Variants in APAF1 observed in about 807,000 individuals in gnomAD.
The protein encoded by APAF1 is apoptotic protease-activating factor 1.
APAF1 carries 91 observed loss-of-function variants against 152.4 expected under a neutral mutation model. That is an observed-to-expected ratio of 0.60 (90% CI 0.50 to 0.71). APAF1 has a LOEUF of 0.71. Among genes scored for constraint, APAF1 ranks in the 30% least tolerant of loss-of-function variants. The pLI is 0.00. For missense variants in APAF1, 1,283 were observed against 1,472.0 expected (o/e 0.87, Z 2.10); for synonymous variants, 484 against 494.1 (o/e 0.98, Z 0.27).
chr12:98,674,247 T>C (rs1027495783), intron 12 of APAF1, among the ~76,000 whole-genome samples: 7 of 152,162 alleles, frequency 4.6e-5, no homozygotes, highest in Admixed American at 2.6e-4. Context: ...CTTCCTTGAC[T>C]TCCCAAAGTT....
At chr12:98,670,753 C>T in intron 10 of APAF1, 11 of 372,510 alleles carry the variant, frequency 3.0e-5, no homozygotes, top group East Asian at 8.4e-5. Flanking sequence ...TTTCTATTTT[C>T]TATTTAAATT....
chr12:98,732,431 T>C lies in APAF1; in HGVS notation c.3612T>C (p.Val1204=). ...TTTTCTCTGAACAGTGGTGGAACGTTGTCACTGGGGAATCCTCACAGACCT... is the reference window on the plus strand; with the variant it reads ...TTTTCTCTGAACAGTGGTGGAACGTCGTCACTGGGGAATCCTCACAGACCT... ...SAGGYIKWWN[V]VTGESSQTFY... Residue 1204 remains valine, a synonymous_variant, in exon 27 of 27, where the codon GTT becomes GTC. Transcript: ENST00000551964. 1 of 1,613,608 alleles carries C rather than the reference T, an allele frequency of 6.2e-7. No homozygotes were observed. The highest frequency in any genetic ancestry group is 1.1e-5 in the South Asian group (1 of 91,064).
intron 20 of APAF1, among the ~76,000 whole-genome samples, chr12:98,709,938 C>T (rs1188897072): frequency 1.3e-5 from 2 of 152,198 alleles, no homozygotes; most frequent in African/African-American, 4.8e-5. Context: ...TGCAGTGGCA[C>T]GATCTTGGCT....
intron 26 of APAF1, among the ~76,000 whole-genome samples, chr12:98,729,472 GGA>G (rs1483395356): frequency 3.3e-5 from 5 of 152,204 alleles, no homozygotes; most frequent in African/African-American, 1.2e-4. Flanking sequence ...TGATCTCTCA[GGA>G]GACAAAGCTC....
intron 17 of APAF1, among the ~76,000 whole-genome samples, chr12:98,702,552 T>C (rs1015492832): frequency 6.6e-6 from 1 of 151,874 alleles, no homozygotes; most frequent in African/African-American, 2.4e-5. Flanking sequence ...CGGCTGGGCG[T>C]GGTGGCTCAC....
chr12:98,683,218 A>G lies in APAF1; in HGVS notation c.2122A>G (p.Thr708Ala). ...HSEQVNCCHF[T>A]NSSHHLLLAT... ...AGAGCAAGTCAATTGCTGCCATTTC[A>G]CCAACAGTAGTCATCATCTTCTCTT... The change falls in exon 15 of 27, where the codon ACC becomes GCC. Residue 708 changes from threonine (T) to alanine (A), a missense_variant. Coordinates refer to ENST00000551964, the MANE Select transcript of APAF1 (RefSeq NM_181861.2). 12 of 1,613,812 alleles carry G rather than the reference A, an allele frequency of 7.4e-6. No individual in the cohort carries two copies. The highest frequency in any genetic ancestry group is 1.0e-5 in the Non-Finnish European group (12 of 1,179,826).
Position 98,666,345 on chromosome 12 carries a change from C to G in APAF1, c.1350C>G (p.Cys450Trp), listed in dbSNP as rs139378273. ...LQVDFLTEKN[C>W]SQLQDLHKKI... ...TAGATTTTCTTACAGAGAAGAATTG[C>G]AGCCAGCTTCAGGTACTTGCATCTT... Residue 450 changes from cysteine to tryptophan, a missense_variant, in exon 9 of 27, where the codon TGC becomes TGG. Transcript: ENST00000551964. The G allele has an allele frequency of 6.3e-4, 1,017 of 1,612,386 alleles. 2 individuals carry two copies. Among genetic ancestry groups the G allele is most frequent in the Non-Finnish European group, 8.4e-4 (991 of 1,179,580 alleles).
chr12:98,714,833 CTTTT>C (rs67353662), intron 21 of APAF1, among the ~76,000 whole-genome samples: 3 of 140,222 alleles, frequency 2.1e-5, no homozygotes, highest in African/African-American at 7.8e-5. Flanking sequence ...ATTTGAAAGC[CTTTT>C]TTTTTCTTTT....
At chr12:98,698,756 C>T (rs1056467778) in intron 16 of APAF1, among the ~76,000 whole-genome samples, 2 of 152,164 alleles carry the variant, frequency 1.3e-5, no homozygotes, top group Admixed American at 6.5e-5. Context: ...AGACACTGCT[C>T]ATGGCCCAGA....
intron 16 of APAF1, among the ~76,000 whole-genome samples, chr12:98,691,022 C>T (rs1015944963): frequency 6.6e-6 from 1 of 152,074 alleles, no homozygotes; most frequent in Non-Finnish European, 1.5e-5. Flanking sequence ...GCCTGGCCAA[C>T]ATGGTGAAAC....
chr12:98,686,786 G>C lies in APAF1; in HGVS notation c.2217G>C (p.Met739Ile). 6.2e-7 allele frequency: 1 copy of C among 1,613,784 alleles called. No individual in the cohort carries two copies. Among genetic ancestry groups the C allele is most frequent in the Non-Finnish European group, 8.5e-7 (1 of 1,179,856 alleles). Residue 739 changes from methionine to isoleucine, a missense_variant, in exon 16 of 27, where the codon ATG (methionine) becomes ATC (isoleucine). Physicochemically the swap from Met to Ile is conservative, Grantham distance 10. Coordinates refer to ENST00000551964, the MANE Select transcript of APAF1 (RefSeq NM_181861.2). ...ATCAAAAAGAATGTCGAAATACCAT[G>C]TTTGGTCATACAAATTCAGTCAATC... ...DLNQKECRNT[M>I]FGHTNSVNHC...
At chr12:98,710,125 C>T (rs1288263669) in intron 20 of APAF1, among the ~76,000 whole-genome samples, 4 of 151,106 alleles carry the variant, frequency 2.6e-5, no homozygotes, top group Non-Finnish European at 5.9e-5. Context: ...CCACCCACCT[C>T]GGCCTCCCAA....
chr12:98,727,398 T>C lies in APAF1; in HGVS notation c.3600+82T>C, dbSNP rs752662545. On this transcript the variant is annotated intron_variant, in intron 26 of 26. Transcript: ENST00000551964. ...GCTATTTTCACTTCCTGTTTCTCAGTTGGGCCTTTTACAACCCAGCAGAGT... is the reference window on the plus strand; with the variant it reads ...GCTATTTTCACTTCCTGTTTCTCAGCTGGGCCTTTTACAACCCAGCAGAGT... 5.7e-4 allele frequency: 868 copies of C among 1,519,178 alleles called. 1 individual carries two copies. Among genetic ancestry groups the C allele is most frequent in the Non-Finnish European group, 7.5e-4 (827 of 1,107,856 alleles). 94.1% of individuals were successfully genotyped at this position (1,519,178 alleles called of 1,614,324 possible).
intron 22 of APAF1, among the ~76,000 whole-genome samples, chr12:98,718,636 G>A (rs1003259821): frequency 2.0e-5 from 3 of 152,072 alleles, no homozygotes; most frequent in Non-Finnish European, 4.4e-5. Flanking sequence ...TTTTCACGAG[G>A]CATTAAAAAT....
At chr12:98,730,740 C>A (rs1451231134) in intron 26 of APAF1, among the ~76,000 whole-genome samples, 2 of 152,190 alleles carry the variant, frequency 1.3e-5, no homozygotes, top group African/African-American at 4.8e-5. Context: ...TAAAAAGGAA[C>A]AGCTGCTGTA....
At chr12:98,668,142 A>G (rs1247413524) in intron 10 of APAF1, among the ~76,000 whole-genome samples, 1 of 151,884 alleles carries the variant, frequency 6.6e-6, no homozygotes, top group Non-Finnish European at 1.5e-5. Context: ...GTTGTTTGGT[A>G]TTTTGCTTTG....
intron 13 of APAF1, 70 bp from the exon 14 acceptor site, chr12:98,680,207 G>T: frequency 6.8e-7 from 1 of 1,477,196 alleles, no homozygotes; most frequent in South Asian, 1.3e-5. Context: ...CTCACTTAAA[G>T]ATTTTTATTG....
At chr12:98,704,117 G>A (rs148108264) in intron 18 of APAF1, among the ~76,000 whole-genome samples, 105 of 151,842 alleles carry the variant, frequency 6.9e-4, no homozygotes, top group African/African-American at 2.3e-3. Flanking sequence ...TTCAAAGATG[G>A]ATTAGTGCTT....
intron 4 of APAF1, among the ~76,000 whole-genome samples, chr12:98,657,164 A>G (rs1208584634): frequency 6.6e-6 from 1 of 152,012 alleles, no homozygotes; most frequent in African/African-American, 2.4e-5. Flanking sequence ...ATTCTCTTCT[A>G]CTCTTTACCC....
Sources: allele counts gnomAD v4.1 joint callset (sites outside exome capture counted in the v4.1 genomes callset), GRCh38; gene constraint gnomAD v4.1.1; transcripts MANE v1.5; gene names NCBI Gene and HGNC (gene_info 2026-07-23, HGNC 2026-07-21).